Variants in CDH12 observed in about 807,000 individuals in gnomAD.
CDH12 encodes cadherin 12.
CDH12 carries 41 observed loss-of-function variants against 74.1 expected under a neutral mutation model. The observed-to-expected ratio is 0.55, with a 90% confidence interval of 0.43 to 0.72. The LOEUF (loss-of-function observed/expected upper bound fraction) is 0.72. Ranked by LOEUF, CDH12 falls within the 30% of genes least tolerant of loss-of-function variation. CDH12 has a pLI of 0.00. For synonymous variants in CDH12, 399 were observed against 355.0 expected, an observed-to-expected ratio of 1.12 and a Z score of -1.39; for missense variants, 945 against 977.2, an observed-to-expected ratio of 0.97 and a Z score of 0.44.
intron 5 of CDH12, among the ~76,000 whole-genome samples, chr5:22,004,453 C>T (rs1006936217): frequency 1.4e-4 from 21 of 152,162 alleles, no homozygotes; most frequent in African/African-American, 4.6e-4. Context: ...TACACTCATT[C>T]TCACTGTTTC....
At chr5:22,526,762 G>A (rs1737303430) in intron 1 of CDH12, among the ~76,000 whole-genome samples, 1 of 152,116 alleles carries the variant, frequency 6.6e-6, no homozygotes, top group Non-Finnish European at 1.5e-5. Context: ...TCCCTCCAGA[G>A]GTGTGGTATT....
intron 1 of CDH12, among the ~76,000 whole-genome samples, chr5:22,643,471 A>G (rs1371355463): frequency 2.6e-5 from 4 of 152,162 alleles, no homozygotes; most frequent in Non-Finnish European, 4.4e-5. Flanking sequence ...CTCTTTCATA[A>G]ACACACTTTT....
At chr5:21,805,621 G>C (rs1249736929) in intron 9 of CDH12, among the ~76,000 whole-genome samples, 1 of 152,030 alleles carries the variant, frequency 6.6e-6, no homozygotes, top group Admixed American at 6.6e-5. Flanking sequence ...TTGACAAAAT[G>C]GTATATAGCT....
intron 6 of CDH12, among the ~76,000 whole-genome samples, chr5:21,971,451 G>A (rs941107172): frequency 3.3e-5 from 5 of 152,096 alleles, no homozygotes; most frequent in African/African-American, 1.2e-4. Flanking sequence ...CCTGACTACT[G>A]CTTAGAAAAT....
intron 8 of CDH12, among the ~76,000 whole-genome samples, chr5:21,820,818 A>T (rs185860274): frequency 6.6e-6 from 1 of 152,098 alleles, no homozygotes; most frequent in East Asian, 1.9e-4. Flanking sequence ...TTCATGATGT[A>T]CTGTGTAATT....
At chr5:22,588,521 TGC>T (rs528311315) in intron 1 of CDH12, among the ~76,000 whole-genome samples, 27 of 152,174 alleles carry the variant, frequency 1.8e-4, no homozygotes, top group Non-Finnish European at 8.8e-5. Flanking sequence ...GGGATTAATT[TGC>T]ATAGGTTAAT....
At position 21,883,940 on chromosome 5, in the gene CDH12, C is replaced by T. The variant is rs1579905253; in HGVS notation, c.527-29150G>A. 2.5e-6 allele frequency: 4 copies of T among 1,607,628 alleles called. No homozygotes were observed. In the Admixed American group the frequency reaches 6.7e-5, roughly 27 times the overall value. On this transcript the variant is annotated intron_variant, in intron 6 of 14. Coordinates refer to ENST00000382254, the MANE Select transcript of CDH12 (RefSeq NM_004061.5). Reference sequence around the variant, plus strand: ...TTGCCCTCCTTCGATGCATTCCAGCCTTGGACTCATTGACTCCAGCTAATG... The same window carrying T: ...TTGCCCTCCTTCGATGCATTCCAGCTTTGGACTCATTGACTCCAGCTAATG...
At chr5:22,093,008 A>G (rs1249277268) in intron 4 of CDH12, among the ~76,000 whole-genome samples, 1 of 152,136 alleles carries the variant, frequency 6.6e-6, no homozygotes, top group East Asian at 1.9e-4. Flanking sequence ...GCCTCACATG[A>G]GAGTGCACAT....
rs532361959 is a variant in CDH12, at chr5:22,535,230, A to C, written c.-522-29866T>G. Among the ~76,000 whole-genome samples the C allele has an allele frequency of 8.5e-3, 992 of 117,122 alleles. 9 individuals carry two copies. The highest frequency in any genetic ancestry group is 0.014 in the South Asian group (48 of 3,518). The allele number at this position is 117,122 out of a possible 152,430, so 76.8% of individuals were successfully genotyped here. On this transcript the variant is annotated intron_variant, in intron 1 of 14. Transcript: ENST00000382254. ...ACTGCAGTGGCGCGGTCTTGGCTCA[A>C]TGCAAGCTCCGCTTCCCGGGTTCAC...
chr5:22,637,333 C>A (rs1282027063), intron 1 of CDH12, among the ~76,000 whole-genome samples: 1 of 152,138 alleles, frequency 6.6e-6, no homozygotes, highest in Non-Finnish European at 1.5e-5. Flanking sequence ...GAAGAAAATT[C>A]TCTGTGCTAA....
chr5:22,715,558 T>C (rs988770060), intron 1 of CDH12, among the ~76,000 whole-genome samples: 1 of 151,900 alleles, frequency 6.6e-6, no homozygotes. Context: ...AATACATGCA[T>C]ATTTGGGAGG....
chr5:22,015,260 TTCAG>T (rs1372601523), intron 5 of CDH12, among the ~76,000 whole-genome samples: 1 of 152,212 alleles, frequency 6.6e-6, no homozygotes, highest in Non-Finnish European at 1.5e-5. Context: ...AGAAATATCA[TTCAG>T]TGAGTTTTTT....
intron 6 of CDH12, among the ~76,000 whole-genome samples, chr5:21,895,352 C>A (rs895683976): frequency 6.6e-6 from 1 of 152,138 alleles, no homozygotes; most frequent in Non-Finnish European, 1.5e-5. Context: ...TGGGAAGATA[C>A]AAACAAAACT....
chr5:22,675,507 G>C (rs924274699), intron 1 of CDH12, among the ~76,000 whole-genome samples: 2 of 152,166 alleles, frequency 1.3e-5, no homozygotes, highest in African/African-American at 2.4e-5. Context: ...AGACAGAAGG[G>C]ACTTGCCTTG....
intron 10 of CDH12, among the ~76,000 whole-genome samples, chr5:21,783,824 T>G (rs893335372): frequency 6.6e-6 from 1 of 152,140 alleles, no homozygotes; most frequent in Non-Finnish European, 1.5e-5. Context: ...AAAAAATTCC[T>G]TAACAGTGGC....
In CDH12 at chr5:21,816,960, G is replaced by A; in HGVS notation, c.987C>T (p.Val329=). ...GTCTATATACCTTTTTCAATTTGAT[G>A]ACTCCCTCTTGTGTATCCTCATCTG... The part of the protein sequence containing the change: ...IVTDEDTQEG[V]IKLKKPLDFE... The change falls in exon 9 of 15, where the codon GTC becomes GTT. Residue 329 remains valine, a synonymous_variant. Coordinates refer to ENST00000382254, the MANE Select transcript of CDH12 (RefSeq NM_004061.5). 1 of 1,598,764 alleles carries A rather than the reference G, an allele frequency of 6.3e-7. No homozygotes were observed. Among genetic ancestry groups the A allele is most frequent in the Non-Finnish European group, 8.5e-7 (1 of 1,172,736 alleles).
intron 5 of CDH12, among the ~76,000 whole-genome samples, chr5:22,030,093 T>G (rs1738705576): frequency 8.5e-6 from 1 of 117,098 alleles, no homozygotes; most frequent in Admixed American, 1.2e-4. Flanking sequence ...AAGGGGAACA[T>G]CACACTCTGG....
In CDH12 at chr5:22,456,900, G is replaced by A. The variant is rs185223626; in HGVS notation, c.-428+48370C>T. On this transcript the variant is annotated intron_variant, in intron 2 of 14. Coordinates refer to ENST00000382254, the MANE Select transcript of CDH12 (RefSeq NM_004061.5). ...TCAAAAAGATGCACAACAGTTTTGA[G>A]TGTGCTTGGAGTTCCATTCTGGCTG... Among the ~76,000 whole-genome samples, 15 of 152,050 alleles carry A rather than the reference G, an allele frequency of 9.9e-5. No individual in the cohort carries two copies. In the East Asian group the frequency reaches 2.9e-3, roughly 29 times the overall value.
In CDH12 at chr5:22,090,737, T is replaced by C. The variant is rs186536710; in HGVS notation, c.-186-11875A>G. ...AAAGAGATTATACACTATGACCAAA[T>C]GGGATTTATCTTATTACTGCAATGT... On this transcript the variant is annotated intron_variant, in intron 4 of 14. Transcript: ENST00000382254. 2.5e-3 allele frequency among the ~76,000 whole-genome samples: 382 copies of C among 151,956 alleles called. 2 individuals carry two copies. Among genetic ancestry groups the C allele is most frequent in the African/African-American group, 8.7e-3 (362 of 41,514 alleles).
Sources: gnomAD v4.1 joint callset for allele counts (sites outside exome capture counted in the v4.1 genomes callset) on GRCh38, gnomAD v4.1.1 for gene constraint, MANE v1.5 for transcripts, NCBI Gene and HGNC (gene_info 2026-07-23, HGNC 2026-07-21) for gene names.